The following FREM1 variants were observed in gnomAD, a reference collection of about 807,000 sequenced individuals.
FREM1 encodes FRAS1 related extracellular matrix 1.
A neutral mutation model predicts 210.1 loss-of-function variants in FREM1; 220 were observed. That is an observed-to-expected ratio of 1.05 (90% CI 0.94 to 1.17). The LOEUF is 1.17. Among genes scored for constraint, FREM1 ranks in the 50% most tolerant of loss-of-function variants. The pLI, the probability that FREM1 is intolerant of heterozygous loss-of-function variation, is 0.00. For synonymous variants in FREM1, 1,189 were observed against 980.2 expected (o/e 1.21, Z -3.98); for missense variants, 3,454 against 2,675.5 (o/e 1.29, Z -6.42).
intron 3 of FREM1, among the ~76,000 whole-genome samples, chr9:14,859,708 T>C (rs932075785): frequency 1.1e-4 from 16 of 152,190 alleles, no homozygotes; most frequent in African/African-American, 3.6e-4. Flanking sequence ...CCAACATCTT[T>C]CTTTCAACAC....
Position 14,775,689 on chromosome 9 carries a change from CAG to C in FREM1, c.4857+98_4857+99del, listed in dbSNP as rs545046645. On this transcript the variant is annotated intron_variant, in intron 25 of 36. Coordinates refer to ENST00000380880, the MANE Select transcript of FREM1 (RefSeq NM_001379081.2). ...CGCCACTGCACTGCAGCCTGGGTGA[CAG>C]AGAGAGACTCCCTCTCAAAAAAAAA... 7.1e-4 allele frequency: 524 copies of C among 738,132 alleles called. 8 individuals are homozygous for C. In the South Asian group the frequency reaches 9.4e-3, roughly 13 times the overall value. 45.7% of individuals were successfully genotyped at this position (738,132 alleles called of 1,614,324 possible).
intron 27 of FREM1, among the ~76,000 whole-genome samples, chr9:14,760,612 T>A (rs1397185928): frequency 1.3e-5 from 2 of 151,924 alleles, no homozygotes; most frequent in Non-Finnish European, 2.9e-5. Flanking sequence ...GAGAGGAACA[T>A]TTTTTTTCAA....
At chr9:14,907,434 T>C (rs4147129) in intron 1 of FREM1, among the ~76,000 whole-genome samples, 84,105 of 152,018 alleles carry the variant, frequency 0.55, 23,810 homozygotes, top group Non-Finnish European at 0.63. Flanking sequence ...ACAAAAGCTG[T>C]TGAATCACTT....
intron 14 of FREM1, among the ~76,000 whole-genome samples, chr9:14,818,325 C>T (rs1820677412): frequency 6.6e-6 from 1 of 152,174 alleles, no homozygotes; most frequent in Non-Finnish European, 1.5e-5. Context: ...AGTGCGAGTG[C>T]AAAGATCAAG....
chr9:14,739,482 T>A (rs1841092536), intron 36 of FREM1, among the ~76,000 whole-genome samples: 1 of 111,200 alleles, frequency 9.0e-6, no homozygotes, highest in Non-Finnish European at 2.1e-5. Context: ...ATATAATTCA[T>A]ATATATATAT....
chr9:14,769,939 T>G, intron 26 of FREM1, 71 bp from the exon 27 acceptor site: 1 of 744,106 alleles, frequency 1.3e-6, no homozygotes, highest in Non-Finnish European at 2.1e-6. Flanking sequence ...TAAAATTGTA[T>G]GGCTATTTTA....
At chr9:14,869,298 T>A (rs888165059) in intron 1 of FREM1, 54 bp from the exon 2 acceptor site, 1 of 257,268 alleles carries the variant, frequency 3.9e-6, no homozygotes, top group Non-Finnish European at 7.5e-6. Flanking sequence ...AAAAGGTTTA[T>A]GTGGCTATTC....
At chr9:14,805,275 A>T in intron 18 of FREM1, 123 bp from the exon 19 acceptor site, 1 of 518,562 alleles carries the variant, frequency 1.9e-6, no homozygotes, top group Non-Finnish European at 3.3e-6. Flanking sequence ...ATAGCAGTTG[A>T]CCTAAGTATC....
intron 10 of FREM1, among the ~76,000 whole-genome samples, chr9:14,827,629 T>C (rs904611340): frequency 2.6e-5 from 4 of 152,116 alleles, no homozygotes; most frequent in Admixed American, 2.6e-4. Context: ...GCCTATATGA[T>C]AGAGAGATTA....
intron 33 of FREM1, 101 bp from the exon 34 acceptor site, chr9:14,747,152 G>A: frequency 3.2e-6 from 5 of 1,584,872 alleles, no homozygotes; most frequent in Non-Finnish European, 4.3e-6. Flanking sequence ...AAGCATTTGT[G>A]TTGGGTAAAC....
intron 27 of FREM1, among the ~76,000 whole-genome samples, chr9:14,768,373 T>C (rs1244621831): frequency 1.3e-5 from 2 of 151,734 alleles, no homozygotes; most frequent in Non-Finnish European, 2.9e-5. Flanking sequence ...TTGTCTGACA[T>C]TGCAAGTACT....
intron 8 of FREM1, 92 bp downstream of exon 8, chr9:14,845,868 C>T: frequency 3.1e-6 from 4 of 1,296,942 alleles, no homozygotes; most frequent in Non-Finnish European, 3.2e-6. Flanking sequence ...GAAATTGGGC[C>T]CAAGAGATGC....
chr9:14,818,203 G>A (rs942047146), intron 14 of FREM1, among the ~76,000 whole-genome samples: 1 of 152,150 alleles, frequency 6.6e-6, no homozygotes, highest in African/African-American at 2.4e-5. Flanking sequence ...GCAAATATTG[G>A]TACTGTTTAT....
Position 14,851,271 on chromosome 9 carries a change from C to T in FREM1, c.1152+13G>A, listed in dbSNP as rs747322300. 6.5e-7 allele frequency: 1 copy of T among 1,549,794 alleles called. No homozygotes were observed. The highest frequency in any genetic ancestry group is 1.3e-5 in the South Asian group (1 of 79,152). On this transcript the variant is annotated intron_variant, in intron 6 of 36. Transcript: ENST00000380880. Reference sequence around the variant, plus strand: ...CTTCTAACTAGGCTGGAAGCTTTGTCTCTCCTTCTTACCTCATCATGTCTC... The same window carrying T: ...CTTCTAACTAGGCTGGAAGCTTTGTTTCTCCTTCTTACCTCATCATGTCTC...
rs1832098169 is a variant in FREM1 at position 14,869,057 on chromosome 9, GTCAGC to G, written c.-85_-81del. 1 of 976,218 alleles carries G rather than the reference GTCAGC, an allele frequency of 1.0e-6. No individual in the cohort carries two copies. The highest frequency in any genetic ancestry group is 1.7e-5 in the South Asian group (1 of 59,620). 60.5% of individuals were successfully genotyped at this position (976,218 alleles called of 1,614,324 possible). ...GGGCTTCTGTGCTTCCTCCTGGAGG[GTCAGC>G]TCATAGTCCAAGGGGCAGGGTGAGG... On this transcript the variant is annotated 5_prime_UTR_variant, in exon 2 of 37. The change abolishes the stop of an existing upstream ORF in the 5' untranslated region. Transcript: ENST00000380880.
chr9:14,905,923 G>C (rs960244999), intron 1 of FREM1, among the ~76,000 whole-genome samples: 1 of 151,932 alleles, frequency 6.6e-6, no homozygotes, highest in Non-Finnish European at 1.5e-5. Context: ...AAAGAATAAA[G>C]TGAGAACCAG....
chr9:14,755,377 G>A (rs1285396449), intron 29 of FREM1, among the ~76,000 whole-genome samples: 1 of 152,202 alleles, frequency 6.6e-6, no homozygotes, highest in African/African-American at 2.4e-5. Context: ...GGCAGATGAT[G>A]TCAATAGTTC....
intron 10 of FREM1, among the ~76,000 whole-genome samples, chr9:14,835,840 G>C (rs1304504638): frequency 6.6e-6 from 1 of 152,168 alleles, no homozygotes; most frequent in Non-Finnish European, 1.5e-5. Context: ...AGACTGAAGA[G>C]AAAAATTTTG....
At chr9:14,860,736 T>TAC (rs1491158053) in intron 3 of FREM1, among the ~76,000 whole-genome samples, 1 of 138,122 alleles carries the variant, frequency 7.2e-6, no homozygotes, top group African/African-American at 2.8e-5. Flanking sequence ...TACACATATA[T>TAC]ACACATATAT....
Sources: gnomAD v4.1 joint callset for allele counts (sites outside exome capture counted in the v4.1 genomes callset) on GRCh38, gnomAD v4.1.1 for gene constraint, MANE v1.5 for transcripts, NCBI Gene and HGNC (gene_info 2026-07-23, HGNC 2026-07-21) for gene names.